Variants in GRID2 observed in about 807,000 individuals in gnomAD.
GRID2 encodes glutamate receptor ionotropic, delta-2.
A neutral mutation model predicts 114.8 loss-of-function variants in GRID2; 33 were observed. The observed-to-expected ratio is 0.29, with a 90% CI of 0.22 to 0.38. The LOEUF is 0.38. Among genes scored for constraint, GRID2 ranks in the 10% least tolerant of loss-of-function variants. GRID2 has a pLI of 1.00. For missense variants in GRID2, 1,184 were observed against 1,257.7 expected, an observed-to-expected ratio of 0.94 and a Z score of 0.89; for synonymous variants, 505 against 449.9, an observed-to-expected ratio of 1.12 and a Z score of -1.55.
chr4:93,314,354 C>T (rs1188440201), intron 8 of GRID2, among the ~76,000 whole-genome samples: 1 of 129,492 alleles, frequency 7.7e-6, no homozygotes, highest in Non-Finnish European at 1.7e-5. Context: ...ATGAAAAAAA[C>T]ACATTCTTCC....
intron 4 of GRID2, among the ~76,000 whole-genome samples, chr4:93,114,033 G>C (rs1316968429): frequency 6.6e-6 from 1 of 152,152 alleles, no homozygotes; most frequent in Non-Finnish European, 1.5e-5. Flanking sequence ...CCATGAGACT[G>C]ATATCAGAAC....
chr4:92,668,888 A>C (rs1732914986), intron 2 of GRID2, among the ~76,000 whole-genome samples: 1 of 151,924 alleles, frequency 6.6e-6, no homozygotes, highest in Non-Finnish European at 1.5e-5. Context: ...GTATAAACAG[A>C]TAGACATGGT....
intron 8 of GRID2, among the ~76,000 whole-genome samples, chr4:93,310,148 AG>A (rs1755860566): frequency 6.6e-6 from 1 of 152,156 alleles, no homozygotes; most frequent in South Asian, 2.1e-4. Context: ...AATACTATTT[AG>A]TAGATGCAAA....
chr4:93,385,717 T>TG (rs1764251201), intron 8 of GRID2, among the ~76,000 whole-genome samples: 1 of 151,384 alleles, frequency 6.6e-6, no homozygotes. Flanking sequence ...TCTGATAATA[T>TG]AAAAAAAAAT....
chr4:93,208,866 T>A (rs1360418182), intron 5 of GRID2, among the ~76,000 whole-genome samples: 1 of 151,930 alleles, frequency 6.6e-6, no homozygotes, highest in Admixed American at 6.6e-5. Context: ...TTCTAGTATG[T>A]CTTAATTTTC....
chr4:92,692,653 G>T (rs1734231897), intron 2 of GRID2, among the ~76,000 whole-genome samples: 1 of 152,018 alleles, frequency 6.6e-6, no homozygotes, highest in Admixed American at 6.6e-5. Context: ...CAGTATATTT[G>T]GGGTAAAGTG....
intron 13 of GRID2, among the ~76,000 whole-genome samples, chr4:93,527,774 A>G (rs941501303): frequency 4.6e-5 from 7 of 152,112 alleles, no homozygotes; most frequent in African/African-American, 1.7e-4. Context: ...CATTAAATAC[A>G]TTTACATTAT....
chr4:93,526,745 G>A (rs1414215043), intron 13 of GRID2, among the ~76,000 whole-genome samples: 1 of 152,152 alleles, frequency 6.6e-6, no homozygotes, highest in African/African-American at 2.4e-5. Context: ...GGAGGCGGAG[G>A]TTGCAGTGAG....
chr4:92,422,581 T>C (rs921932652), intron 1 of GRID2, among the ~76,000 whole-genome samples: 1 of 151,958 alleles, frequency 6.6e-6, no homozygotes, highest in South Asian at 2.1e-4. Context: ...ATTGAAGCTG[T>C]CCTCTTGTGT....
At chr4:92,387,371 G>A (rs566497432) in intron 1 of GRID2, among the ~76,000 whole-genome samples, 1 of 151,974 alleles carries the variant, frequency 6.6e-6, no homozygotes, top group Non-Finnish European at 1.5e-5. Flanking sequence ...ATAACAAACA[G>A]CATCTATGCA....
intron 7 of GRID2, among the ~76,000 whole-genome samples, chr4:93,235,542 G>A (rs1746678528): frequency 6.6e-6 from 1 of 152,102 alleles, no homozygotes; most frequent in South Asian, 2.1e-4. Flanking sequence ...TCCAAAATCA[G>A]AGAGGTTAAG....
chr4:92,530,767 C>T (rs929336071), intron 1 of GRID2, among the ~76,000 whole-genome samples: 14 of 147,062 alleles, frequency 9.5e-5, no homozygotes, highest in African/African-American at 3.2e-4. Flanking sequence ...ATTAGCTGGG[C>T]GTGGTGGCGT....
chr4:93,310,921 G>T (rs1429867845), intron 8 of GRID2, among the ~76,000 whole-genome samples: 1 of 152,132 alleles, frequency 6.6e-6, no homozygotes, highest in Non-Finnish European at 1.5e-5. Flanking sequence ...CTGTGTATAG[G>T]TTTACTGGAA....
chr4:93,488,185 T>C (rs1286411982), intron 11 of GRID2, among the ~76,000 whole-genome samples: 1 of 151,940 alleles, frequency 6.6e-6, no homozygotes, highest in Admixed American at 6.6e-5. Flanking sequence ...CACATTTTAT[T>C]ATTATTTTTT....
At chr4:93,756,524 T>C (rs1254333123) in intron 14 of GRID2, among the ~76,000 whole-genome samples, 1 of 152,170 alleles carries the variant, frequency 6.6e-6, no homozygotes, top group Non-Finnish European at 1.5e-5. Context: ...GAAGCTGCCA[T>C]CTTGCTGTGT....
At chr4:92,600,488 ACAGTT>A (rs1345560663) in intron 2 of GRID2, among the ~76,000 whole-genome samples, 4 of 152,190 alleles carry the variant, frequency 2.6e-5, no homozygotes, top group Non-Finnish European at 5.9e-5. Flanking sequence ...ATTGTGTTGC[ACAGTT>A]CAAAGTTTTA....
Position 93,772,623 on chromosome 4 carries a change from T to C in GRID2, c.*125T>C. ...AGATCAGGATTATTAGTAACAATTC[T>C]AGTTTTTTCCTCCCACCTTCTCCCT... On this transcript the variant is annotated 3_prime_UTR_variant, in exon 16 of 16. Coordinates refer to ENST00000282020, the MANE Select transcript of GRID2 (RefSeq NM_001510.4). 5 of 679,690 alleles carry C rather than the reference T, an allele frequency of 7.4e-6. No homozygotes were observed. The highest frequency in any genetic ancestry group is 9.5e-6 in the Non-Finnish European group (4 of 420,460). 42.1% of individuals were successfully genotyped at this position (679,690 alleles called of 1,614,324 possible). A position where few individuals can be genotyped will look rare whatever the true frequency, so the allele number is the denominator to read the frequency against.
At chr4:93,338,237 A>T (rs537773269) in intron 8 of GRID2, among the ~76,000 whole-genome samples, 3 of 152,310 alleles carry the variant, frequency 2.0e-5, no homozygotes, top group East Asian at 3.9e-4. Flanking sequence ...GGCCACACAA[A>T]TCACACAGTT....
At chr4:93,174,027 C>G (rs904832865) in intron 4 of GRID2, among the ~76,000 whole-genome samples, 5 of 152,116 alleles carry the variant, frequency 3.3e-5, no homozygotes, top group African/African-American at 1.2e-4. Flanking sequence ...GTATACCCTT[C>G]CCTGGATTTC....
Sources: gnomAD v4.1 joint callset for allele counts (sites outside exome capture counted in the v4.1 genomes callset) on GRCh38, gnomAD v4.1.1 for gene constraint, MANE v1.5 for transcripts, NCBI Gene and HGNC (gene_info 2026-07-23, HGNC 2026-07-21) for gene names.